RPL36: variants seen among roughly 807,000 people sequenced by gnomAD.
The protein encoded by RPL36 is ribosomal protein L36, also known as large ribosomal subunit protein eL36.
For missense variants in RPL36, 131 were observed against 144.9 expected, an observed-to-expected ratio of 0.90 and a Z score of 0.49; for synonymous variants, 74 against 56.0, an observed-to-expected ratio of 1.32 and a Z score of -1.44.
Position 5,691,335 on chromosome 19 carries a change from C to G in RPL36, c.110C>G (p.Thr37Ser). The G allele has an allele frequency of 1.2e-6, 2 of 1,612,936 alleles. No individual in the cohort carries two copies. The highest frequency in any genetic ancestry group is 1.7e-6 in the Non-Finnish European group (2 of 1,180,034). ...CCCCCCTAGCGTCTGACCAAACACA[C>G]CAAGTTCGTGCGGGACATGATTCGG... Reference protein sequence around the residue: ...SRRRGRLTKHTKFVRDMIREV... With the variant: ...SRRRGRLTKHSKFVRDMIREV... The change falls in exon 3 of 4, where the codon ACC becomes AGC. Residue 37 changes from threonine to serine, a missense_variant. Thr to Ser is a moderately conservative substitution (Grantham distance 58). Transcript: ENST00000347512.
Position 5,691,802 on chromosome 19 carries a change from C to G in RPL36, c.*181C>G. On this transcript the variant is annotated 3_prime_UTR_variant, in exon 4 of 4. Coordinates refer to ENST00000347512, the MANE Select transcript of RPL36 (RefSeq NM_033643.3). ...GAATCAAAAGCCGTGGCCCGCCCAC[C>G]CTTCCCGGGGCAGCAGGTGAGGAAG... The G allele has an allele frequency of 2.4e-6, 2 of 846,492 alleles. No homozygotes were observed. The highest frequency in any genetic ancestry group is 3.7e-6 in the Non-Finnish European group (2 of 541,848). The allele number at this position is 846,492 out of a possible 1,614,324, so 52.4% of individuals were successfully genotyped here.
Position 5,691,700 on chromosome 19 carries a change from TG to T in RPL36, c.*82del. 1 of 1,440,618 alleles carries T rather than the reference TG, an allele frequency of 6.9e-7. No homozygotes were observed. Among genetic ancestry groups the T allele is most frequent in the Non-Finnish European group, 9.5e-7 (1 of 1,049,594 alleles). 89.2% of individuals were successfully genotyped at this position (1,440,618 alleles called of 1,614,324 possible). ...CTCTCCTGCTGTCCGTGGGTGGGTGTGGGTGTGTCGGGGGCCCGCAGTCCCC... is the reference window on the plus strand; with the variant it reads ...CTCTCCTGCTGTCCGTGGGTGGGTGTGGTGTGTCGGGGGCCCGCAGTCCCC... On this transcript the variant is annotated 3_prime_UTR_variant, in exon 4 of 4. Transcript: ENST00000347512.
In RPL36 at chr19:5,690,611, G is replaced by T. The variant is rs200720201; in HGVS notation, c.93+11G>T. ...AGCCGACGCCGCGGGGTGAGTGCGG[G>T]TGCCGCGCGGAGGTTGTCGGGGGTT... On this transcript the variant is annotated intron_variant, in intron 2 of 3. Transcript: ENST00000347512. 1.3e-4 allele frequency: 209 copies of T among 1,552,772 alleles called. 1 individual carries two copies. In the Middle Eastern group the frequency reaches 3.7e-3, roughly 27 times the overall value.
chr19:5,691,521 G>A lies in RPL36; in HGVS notation c.229-11G>A, dbSNP rs1381924930. Reference sequence around the variant, plus strand: ...TCAGGGCCGGGCTGACGGCGGCCTCGTCCCTGGCAGGTGGGGACGCACATC... The same window carrying A: ...TCAGGGCCGGGCTGACGGCGGCCTCATCCCTGGCAGGTGGGGACGCACATC... On this transcript the variant is annotated splice_polypyrimidine_tract_variant and intron_variant, in intron 3 of 3. Transcript: ENST00000347512. 2 of 1,608,772 alleles carry A rather than the reference G, an allele frequency of 1.2e-6. No individual in the cohort carries two copies. Among genetic ancestry groups the A allele is most frequent in the South Asian group, 1.1e-5 (1 of 90,928 alleles).
intron 2 of RPL36, chr19:5,690,858 G>T: frequency 1.7e-6 from 1 of 585,300 alleles, no homozygotes; most frequent in Non-Finnish European, 3.1e-6. Context: ...CAGCGGGTTT[G>T]GGGTTCTGAC....
At position 5,691,481 on chromosome 19, in the gene RPL36, G is replaced by A. The variant is rs1210732634; in HGVS notation, c.228+28G>A. On this transcript the variant is annotated intron_variant, in intron 3 of 3. Coordinates refer to ENST00000347512, the MANE Select transcript of RPL36 (RefSeq NM_033643.3). ...AGGTGGGCGCTGCCGGCCGAGGGGCGGGGTGGGATGGGAGTCAGGGCCGGG... is the reference window on the plus strand; with the variant it reads ...AGGTGGGCGCTGCCGGCCGAGGGGCAGGGTGGGATGGGAGTCAGGGCCGGG... 1.9e-6 allele frequency: 3 copies of A among 1,608,676 alleles called. No homozygotes were observed. In the African/African-American group the frequency reaches 4.0e-5, roughly 21 times the overall value.
Position 5,691,592 on chromosome 19 carries a change from A to C in RPL36, c.289A>C (p.Met97Leu). ...REELSNVLAAMRKAAAKKD is the reference protein window; with the variant it reads ...REELSNVLAALRKAAAKKD ...GGAGCTGAGCAACGTACTGGCCGCC[A>C]TGAGGAAAGCTGCTGCCAAGAAAGA... The change falls in exon 4 of 4, where the codon ATG becomes CTG. Residue 97 changes from methionine (M) to leucine (L), a missense_variant. Coordinates refer to ENST00000347512, the MANE Select transcript of RPL36 (RefSeq NM_033643.3). The C allele has an allele frequency of 6.2e-7, 1 of 1,611,134 alleles. No homozygotes were observed. Among genetic ancestry groups the C allele is most frequent in the Non-Finnish European group, 8.5e-7 (1 of 1,179,742 alleles).
At chr19:5,690,716 G>C in intron 2 of RPL36, 116 bp downstream of exon 2, 1 of 824,388 alleles carries the variant, frequency 1.2e-6, no homozygotes, top group Non-Finnish European at 2.0e-6. Context: ...ACTAAGGGGG[G>C]CTTGAATGGA....
Position 5,691,127 on chromosome 19 carries a change from CGGAGACTGGGACTTAG to C in RPL36, c.94-187_94-172del, listed in dbSNP as rs2054812117. On this transcript the variant is annotated intron_variant, in intron 2 of 3. Transcript: ENST00000347512. ...CTCCAGGTGCGTCCTGCCAGTGTTG[CGGAGACTGGGACTTAG>C]GGAGGATGGGAGCTGCTCCGGGCGC... 1.1e-5 allele frequency: 8 copies of C among 737,564 alleles called. No individual in the cohort carries two copies. The Admixed American group carries it at 1.3e-4, about 12-fold the overall frequency. 45.7% of individuals were successfully genotyped at this position (737,564 alleles called of 1,614,324 possible).
At chr19:5,691,254 A>C in intron 2 of RPL36, 65 bp from the exon 3 acceptor site, 1 of 1,607,776 alleles carries the variant, frequency 6.2e-7, no homozygotes, top group African/African-American at 1.3e-5. Context: ...CGGCAGCGCG[A>C]GAGAAGCTGC....
Position 5,691,611 on chromosome 19 carries a change from A to G in RPL36, c.308A>G (p.Lys103Arg). 6.2e-7 allele frequency: 1 copy of G among 1,608,968 alleles called. No homozygotes were observed. The highest frequency in any genetic ancestry group is 8.5e-7 in the Non-Finnish European group (1 of 1,178,846). ...GCCGCCATGAGGAAAGCTGCTGCCA[A>G]GAAAGACTGAGCCCCTCCCCTGCCC... ...VLAAMRKAAAKKD is the reference protein window; with the variant it reads ...VLAAMRKAAARKD The change falls in exon 4 of 4, where the codon AAG (lysine) becomes AGG (arginine). Residue 103 changes from lysine (K) to arginine (R), a missense_variant. Transcript: ENST00000347512.
Position 5,690,328 on chromosome 19 carries a change from G to A in RPL36, c.-3+1G>A. On this transcript the variant is annotated splice_donor_variant, in intron 1 of 3. Transcript: ENST00000347512. LOFTEE classifies it low-confidence loss of function (5UTR_SPLICE). ...CACGGCCGTCTCTGGAGAGCAGCAG[G>A]TAAGTGGTTTCCCGCACTGCCGGTA... The A allele has an allele frequency of 1.5e-6, 1 of 653,398 alleles. No homozygotes were observed. Among genetic ancestry groups the A allele is most frequent in the Non-Finnish European group, 2.8e-6 (1 of 356,646 alleles). The allele number at this position is 653,398 out of a possible 1,614,324, so 40.5% of individuals were successfully genotyped here.
At position 5,691,762 on chromosome 19, in the gene RPL36, G is replaced by T. The variant is rs2054825179; in HGVS notation, c.*141G>T. The T allele has an allele frequency of 9.8e-7, 1 of 1,019,754 alleles. No homozygotes were observed. The allele number at this position is 1,019,754 out of a possible 1,614,324, so 63.2% of individuals were successfully genotyped here. ...CCGCTCTGAGCCACACCCTCTCCGG[G>T]TGCTGCCTGGTCGTGAATCAAAAGC... On this transcript the variant is annotated 3_prime_UTR_variant, in exon 4 of 4. Transcript: ENST00000347512.
rs1214970936 is a variant in RPL36, at chr19:5,690,613, G to A, written c.93+13G>A. 1 of 1,551,374 alleles carries A rather than the reference G, an allele frequency of 6.4e-7. No individual in the cohort carries two copies. The highest frequency in any genetic ancestry group is 8.7e-7 in the Non-Finnish European group (1 of 1,145,272). ...CCGACGCCGCGGGGTGAGTGCGGGT[G>A]CCGCGCGGAGGTTGTCGGGGGTTTC... On this transcript the variant is annotated intron_variant, in intron 2 of 3. Transcript: ENST00000347512.
chr19:5,690,578 C>T lies in RPL36; in HGVS notation c.71C>T (p.Pro24Leu). ...GHKVTKNVSK[P>L]RHSRRRGRLT... ...AAAGTGACCAAGAACGTGAGCAAGC[C>T]CAGGCACAGCCGACGCCGCGGGGTG... Residue 24 changes from proline to leucine, a missense_variant, in exon 2 of 4, where the codon CCC becomes CTC. By Grantham distance (98) the Pro-to-Leu change is moderately conservative. Transcript: ENST00000347512. 1 of 1,569,666 alleles carries T rather than the reference C, an allele frequency of 6.4e-7. No individual in the cohort carries two copies. Among genetic ancestry groups the T allele is most frequent in the Non-Finnish European group, 8.6e-7 (1 of 1,158,214 alleles).
rs1191709199 is a variant in RPL36, at chr19:5,691,727, T to C, written c.*106T>C. The C allele has an allele frequency of 6.7e-6, 8 of 1,197,180 alleles. No homozygotes were observed. Among genetic ancestry groups the C allele is most frequent in the Middle Eastern group, 2.7e-4 (1 of 3,756 alleles). The allele number at this position is 1,197,180 out of a possible 1,614,324, so 74.2% of individuals were successfully genotyped here. A position where few individuals can be genotyped will look rare whatever the true frequency, so the allele number is the denominator to read the frequency against. ...GGTGTGTCGGGGGCCCGCAGTCCCCTGTCTGGTGCCCGCTCTGAGCCACAC... is the reference window on the plus strand; with the variant it reads ...GGTGTGTCGGGGGCCCGCAGTCCCCCGTCTGGTGCCCGCTCTGAGCCACAC... On this transcript the variant is annotated 3_prime_UTR_variant, in exon 4 of 4. Transcript: ENST00000347512.
rs570432166 is a variant in RPL36, at chr19:5,690,316, G to A, written c.-14G>A. 257 of 640,370 alleles carry A rather than the reference G, an allele frequency of 4.0e-4. 3 individuals carry two copies. The highest frequency in any genetic ancestry group is 4.0e-3 in the South Asian group (227 of 57,460). 39.7% of individuals were successfully genotyped at this position (640,370 alleles called of 1,614,324 possible). On this transcript the variant is annotated 5_prime_UTR_variant, in exon 1 of 4. Coordinates refer to ENST00000347512, the MANE Select transcript of RPL36 (RefSeq NM_033643.3). ...CAGCCCTTCCGCCACGGCCGTCTCT[G>A]GAGAGCAGCAGGTAAGTGGTTTCCC...
chr19:5,691,050 G>A, intron 2 of RPL36: 1 of 575,702 alleles, frequency 1.7e-6, no homozygotes, highest in Non-Finnish European at 3.1e-6. Flanking sequence ...GAGGTTGAGG[G>A]ATTTCAGGTG....
At position 5,690,529 on chromosome 19, in the gene RPL36, G is replaced by C; in HGVS notation, c.22G>C (p.Ala8Pro). ...AGCCATGGCCCTACGCTACCCTATG[G>C]CCGTGGGCCTCAACAAGGGCCACAA... The part of the protein sequence containing the change: MALRYPM[A>P]VGLNKGHKVT... The change falls in exon 2 of 4, where the codon GCC (alanine) becomes CCC (proline). Residue 8 changes from alanine (A) to proline (P), a missense_variant. Transcript: ENST00000347512. 1 of 1,563,912 alleles carries C rather than the reference G, an allele frequency of 6.4e-7. No individual in the cohort carries two copies. The highest frequency in any genetic ancestry group is 8.7e-7 in the Non-Finnish European group (1 of 1,154,710).
Sources: gnomAD v4.1 joint callset for allele counts on GRCh38, gnomAD v4.1.1 for gene constraint, MANE v1.5 for transcripts, NCBI Gene and HGNC (gene_info 2026-07-23, HGNC 2026-07-21) for gene names.